Variants in GTF2E2 observed in about 807,000 individuals in gnomAD.
GTF2E2 encodes the protein general transcription factor IIE subunit 2.
A neutral mutation model predicts 40.5 loss-of-function variants in GTF2E2; 21 were observed. That is an observed-to-expected ratio of 0.52 (90% CI 0.37 to 0.75). The LOEUF (loss-of-function observed/expected upper bound fraction) is 0.75. GTF2E2 is among the 30% of genes least tolerant of loss of function. The pLI, the probability that GTF2E2 is intolerant of heterozygous loss-of-function variation, is 0.00. For missense variants in GTF2E2, 298 were observed against 338.4 expected (o/e 0.88, Z 0.94); for synonymous variants, 117 against 121.6 (o/e 0.96, Z 0.25).
rs371863278 is a variant in GTF2E2, at chr8:30,612,003, C to A, written c.549+296G>T. ...TATAGAAGACACTCTTATTTACAAA[C>A]AGAGCTTACAAGAGAAACTCTATTG... On this transcript the variant is annotated intron_variant, in intron 5 of 7. Transcript: ENST00000355904. Among the ~76,000 whole-genome samples the A allele has an allele frequency of 7.2e-5, 11 of 152,312 alleles. No homozygotes were observed. The East Asian group carries it at 1.7e-3, about 24-fold the overall frequency.
chr8:30,654,323 T>C (rs374094918), intron 1 of GTF2E2, among the ~76,000 whole-genome samples: 3 of 152,280 alleles, frequency 2.0e-5, no homozygotes, highest in East Asian at 3.9e-4. Context: ...TAATTACATG[T>C]TGAAGTGATA....
In GTF2E2 at chr8:30,632,661, A is replaced by G. The variant is rs371589536; in HGVS notation, c.258+2371T>C. 7.2e-5 allele frequency among the ~76,000 whole-genome samples: 11 copies of G among 152,328 alleles called. No homozygotes were observed. The East Asian group carries it at 1.5e-3, about 21-fold the overall frequency. On this transcript the variant is annotated intron_variant, in intron 3 of 7. Coordinates refer to ENST00000355904, the MANE Select transcript of GTF2E2 (RefSeq NM_002095.6). The stretch of plus-strand genomic sequence containing the variant: ...TATGAAGGGAGGGAGGGGAACTGAT[A>G]TAAGACATTTGATAAGCCTTTTTGA...
intron 3 of GTF2E2, among the ~76,000 whole-genome samples, chr8:30,619,872 T>C (rs938960154): frequency 1.3e-5 from 2 of 152,070 alleles, no homozygotes; most frequent in Admixed American, 6.5e-5. Context: ...AGGGACTTCA[T>C]TGGCATGATT....
At chr8:30,621,473 T>A (rs1324068210) in intron 3 of GTF2E2, among the ~76,000 whole-genome samples, 1 of 152,006 alleles carries the variant, frequency 6.6e-6, no homozygotes, top group Non-Finnish European at 1.5e-5. Flanking sequence ...TCCTCATAGA[T>A]CAGGAATTAA....
intron 3 of GTF2E2, among the ~76,000 whole-genome samples, chr8:30,625,326 G>A (rs1019325034): frequency 2.5e-4 from 38 of 152,116 alleles, no homozygotes; most frequent in South Asian, 8.3e-4. Flanking sequence ...ATTGACTTGC[G>A]TATGTTGAAC....
chr8:30,595,873 AAAAAGAAAAGAAGAG>A (rs1828988796), intron 6 of GTF2E2, among the ~76,000 whole-genome samples: 1 of 152,182 alleles, frequency 6.6e-6, no homozygotes, highest in Admixed American at 6.5e-5. Flanking sequence ...AAGGAAAAGA[AAAAAGAAAAGAAGAG>A]AAAAGAAAAG....
chr8:30,600,026 C>G (rs1392374007), intron 6 of GTF2E2, among the ~76,000 whole-genome samples: 5 of 151,974 alleles, frequency 3.3e-5, no homozygotes, highest in Non-Finnish European at 5.9e-5. Context: ...TATGAGAGCC[C>G]CAGAGCACAG....
intron 2 of GTF2E2, chr8:30,646,157 A>T (rs1802064784): frequency 6.6e-6 from 1 of 152,240 alleles, no homozygotes; most frequent in African/African-American, 2.4e-5. Context: ...AAAATGCCAC[A>T]AGTATATTTG....
chr8:30,628,445 T>C (rs1283472736), intron 3 of GTF2E2, among the ~76,000 whole-genome samples: 1 of 152,190 alleles, frequency 6.6e-6, no homozygotes, highest in Non-Finnish European at 1.5e-5. Flanking sequence ...TAACTTATCA[T>C]GTCCACAACT....
intron 2 of GTF2E2, among the ~76,000 whole-genome samples, chr8:30,635,374 T>C (rs2128723844): frequency 6.6e-6 from 1 of 152,238 alleles, no homozygotes; most frequent in Admixed American, 6.5e-5. Flanking sequence ...AATATCTTTA[T>C]CACATTATTT....
rs1024658169 is a variant in GTF2E2, at chr8:30,614,702, C to T, written c.272G>A (p.Arg91Gln). 1.6e-5 allele frequency: 25 copies of T among 1,594,476 alleles called. No individual in the cohort carries two copies. Among genetic ancestry groups the T allele is most frequent in the Non-Finnish European group, 2.0e-5 (23 of 1,163,874 alleles). The change falls in exon 4 of 8, where the codon CGA (arginine) becomes CAA (glutamine). Residue 91 changes from arginine to glutamine, a missense_variant. Arg to Gln is a conservative substitution (Grantham distance 43). Transcript: ENST00000355904. ...IVNYMKTRHQRGDTHPLTLDE... is the reference protein window; with the variant it reads ...IVNYMKTRHQQGDTHPLTLDE... ...TAAGGTTAGAGGATGCGTATCTCCT[C>T]GCTGATGCCGTGTCTATCAAGTGAA... is the stretch of plus-strand genomic sequence containing the variant.
At chr8:30,580,980 C>T (rs2151104691) in intron 6 of GTF2E2, among the ~76,000 whole-genome samples, 1 of 152,302 alleles carries the variant, frequency 6.6e-6, no homozygotes, top group African/African-American at 2.4e-5. Context: ...ACAGTCCTGC[C>T]TGCAGCTTGT....
intron 2 of GTF2E2, 152 bp downstream of exon 2, chr8:30,653,281 T>C: frequency 3.2e-6 from 2 of 622,886 alleles, no homozygotes; most frequent in Non-Finnish European, 5.6e-6. Context: ...ATTAACATCC[T>C]AAGAGCTTAA....
chr8:30,645,824 A>AC, intron 2 of GTF2E2: 6 of 443,052 alleles, frequency 1.4e-5, no homozygotes, highest in South Asian at 9.4e-5. Flanking sequence ...TCTGTTTAAT[A>AC]CTGACACTTC....
intron 3 of GTF2E2, among the ~76,000 whole-genome samples, chr8:30,620,645 C>T (rs1386020080): frequency 6.6e-6 from 1 of 151,886 alleles, no homozygotes; most frequent in Non-Finnish European, 1.5e-5. Context: ...GTTAGCCGAG[C>T]TGGGCACGGT....
chr8:30,640,810 T>C (rs985873438), intron 2 of GTF2E2, among the ~76,000 whole-genome samples: 5 of 152,110 alleles, frequency 3.3e-5, no homozygotes, highest in Non-Finnish European at 5.9e-5. Flanking sequence ...GTTCATGAGA[T>C]TCTCCTGCCT....
At chr8:30,614,828 A>G (rs943041116) in intron 3 of GTF2E2, 113 bp from the exon 4 acceptor site, 5 of 635,432 alleles carry the variant, frequency 7.9e-6, no homozygotes, top group East Asian at 2.8e-5. Flanking sequence ...TATTCCAGGT[A>G]GCATAATTAT....
intron 6 of GTF2E2, among the ~76,000 whole-genome samples, chr8:30,603,208 CTG>C (rs1208324802): frequency 6.6e-6 from 1 of 152,040 alleles, no homozygotes; most frequent in Non-Finnish European, 1.5e-5. Flanking sequence ...CATTAATAAA[CTG>C]TAACAAAAAT....
At chr8:30,616,807 TA>T (rs11292387) in intron 3 of GTF2E2, among the ~76,000 whole-genome samples, 91,906 of 151,378 alleles carry the variant, frequency 0.61, 30,258 homozygotes, top group African/African-American at 0.89. Flanking sequence ...AAAACTGCTC[TA>T]AAAAAAAAAG....
Sources: allele counts gnomAD v4.1 joint callset (sites outside exome capture counted in the v4.1 genomes callset), GRCh38; gene constraint gnomAD v4.1.1; transcripts MANE v1.5; gene names NCBI Gene and HGNC (gene_info 2026-07-23, HGNC 2026-07-21).